PVT1: variants seen among roughly 807,000 people sequenced by gnomAD.
PVT1 encodes the protein CXCR4/PVT1 fusion.
At chr8:127,825,056 G>T (rs373405892) in intron 2 of PVT1, among the ~76,000 whole-genome samples, 1 of 143,850 alleles carries the variant, frequency 7.0e-6, no homozygotes, top group African/African-American at 2.6e-5. Context: ...GGAGGTGGAG[G>T]TTGCAGTGAG....
At chr8:128,049,176 G>C (rs191866221) in intron 4 of PVT1, 1 of 531,414 alleles carries the variant, frequency 1.9e-6, no homozygotes, top group African/African-American at 1.9e-5. Flanking sequence ...GAGGCTGGGA[G>C]GGGCTGGCTG....
At chr8:128,070,425 CTG>C (rs373201005) in intron 5 of PVT1, 26 of 152,348 alleles carry the variant, frequency 1.7e-4, no homozygotes, top group African/African-American at 5.5e-4. Flanking sequence ...TCCAGAATGA[CTG>C]TACCAGTTTA....
chr8:127,820,936 T>C (rs973346755), intron 2 of PVT1, among the ~76,000 whole-genome samples: 1 of 152,156 alleles, frequency 6.6e-6, no homozygotes, highest in Non-Finnish European at 1.5e-5. Flanking sequence ...CTTAAAGTCC[T>C]GGCCTCAAGT....
At chr8:127,959,421 C>G (rs1816610945) in intron 3 of PVT1, among the ~76,000 whole-genome samples, 1 of 152,022 alleles carries the variant, frequency 6.6e-6, no homozygotes, top group African/African-American at 2.4e-5. Flanking sequence ...CCCATCTCTA[C>G]TAAAAATACA....
intron 4 of PVT1, among the ~76,000 whole-genome samples, chr8:128,044,020 T>A (rs796808806): frequency 0.26 from 38,095 of 146,742 alleles, 5,338 homozygotes; most frequent in Middle Eastern, 0.41. Flanking sequence ...TATTTATTTT[T>A]TTTTTTTTTT....
At chr8:127,896,376 G>A (rs1196538663) in intron 3 of PVT1, among the ~76,000 whole-genome samples, 1 of 151,974 alleles carries the variant, frequency 6.6e-6, no homozygotes, top group Non-Finnish European at 1.5e-5. Context: ...AACTTGAGTG[G>A]GCTTTTGGTC....
chr8:127,902,952 A>AG (rs1362064579), intron 3 of PVT1, among the ~76,000 whole-genome samples: 2 of 152,228 alleles, frequency 1.3e-5, no homozygotes, highest in African/African-American at 4.8e-5. Context: ...GTATACACCC[A>AG]GGTATGAGAT....
At chr8:128,045,468 A>T (rs1813599665) in intron 4 of PVT1, among the ~76,000 whole-genome samples, 1 of 152,196 alleles carries the variant, frequency 6.6e-6, no homozygotes. Context: ...TACTGAAGAA[A>T]CTGATGCATA....
intron 2 of PVT1, among the ~76,000 whole-genome samples, chr8:127,872,184 G>A (rs913037762): frequency 1.3e-5 from 2 of 152,190 alleles, no homozygotes; most frequent in South Asian, 2.1e-4. Context: ...AGAGGCCGAG[G>A]CAGGCAGATC....
intron 5 of PVT1, among the ~76,000 whole-genome samples, chr8:128,088,753 G>A (rs953243544): frequency 1.3e-5 from 2 of 152,182 alleles, no homozygotes; most frequent in Non-Finnish European, 2.9e-5. Context: ...TACTCAGCTG[G>A]TATAGACTCA....
chr8:127,829,958 A>T lies in PVT1; in HGVS notation n.372+33887A>T, dbSNP rs149531483. Among the ~76,000 whole-genome samples, 27 of 152,300 alleles carry T rather than the reference A, an allele frequency of 1.8e-4. No homozygotes were observed. In the East Asian group the frequency reaches 4.2e-3, roughly 24 times the overall value. ...CTGGCAATCTCTGGCTTGTGGCTGCAGCAATCTGCCTCCATCTTTACATAG... is the reference window on the plus strand; with the variant it reads ...CTGGCAATCTCTGGCTTGTGGCTGCTGCAATCTGCCTCCATCTTTACATAG... On this transcript the variant is annotated intron_variant and non_coding_transcript_variant, in intron 2 of 10. Transcript: ENST00000651587.
chr8:127,944,405 G>A (rs1816391849), intron 3 of PVT1, among the ~76,000 whole-genome samples: 1 of 152,174 alleles, frequency 6.6e-6, no homozygotes, highest in Non-Finnish European at 1.5e-5. Context: ...GCTAGCCATG[G>A]TGAGACCTTG....
chr8:127,960,471 C>T (rs547387111), intron 3 of PVT1, among the ~76,000 whole-genome samples: 9 of 152,148 alleles, frequency 5.9e-5, no homozygotes, highest in South Asian at 4.2e-4. Flanking sequence ...AAAGGATCAC[C>T]GAGAGAAGTT....
At chr8:127,973,884 G>A (rs1003797203) in intron 3 of PVT1, among the ~76,000 whole-genome samples, 1 of 151,876 alleles carries the variant, frequency 6.6e-6, no homozygotes, top group Non-Finnish European at 1.5e-5. Flanking sequence ...GGAGGCTGAG[G>A]CAGGAGAATG....
chr8:127,982,328 T>C (rs947918129), intron 3 of PVT1, among the ~76,000 whole-genome samples: 1 of 152,180 alleles, frequency 6.6e-6, no homozygotes, highest in Admixed American at 6.5e-5. Context: ...AAATCAGTGA[T>C]GCTGCTGACT....
chr8:127,812,000 G>C (rs925898829), intron 2 of PVT1, among the ~76,000 whole-genome samples: 23 of 152,172 alleles, frequency 1.5e-4, no homozygotes, highest in African/African-American at 5.3e-4. Context: ...CCAGCACTTT[G>C]GGAGGCCGAG....
chr8:127,960,647 G>T (rs1405122915), intron 3 of PVT1: 3 of 524,828 alleles, frequency 5.7e-6, no homozygotes, highest in Admixed American at 4.0e-5. Flanking sequence ...GCCTCTGCAG[G>T]GTTTGCTTTG....
chr8:127,899,117 C>T (rs992624548), intron 3 of PVT1, among the ~76,000 whole-genome samples: 1 of 152,214 alleles, frequency 6.6e-6, no homozygotes, highest in African/African-American at 2.4e-5. Flanking sequence ...CTTCCTGTTG[C>T]GTCTGCAGGG....
At chr8:127,882,899 T>C (rs1266974328) in intron 2 of PVT1, among the ~76,000 whole-genome samples, 1 of 152,192 alleles carries the variant, frequency 6.6e-6, no homozygotes, top group African/African-American at 2.4e-5. Flanking sequence ...TGACCGGGTC[T>C]CAGAGGTGTT....
Sources: allele counts gnomAD v4.1 joint callset (sites outside exome capture counted in the v4.1 genomes callset), GRCh38; gene constraint gnomAD v4.1.1; transcripts MANE v1.5; gene names NCBI Gene and HGNC (gene_info 2026-07-23, HGNC 2026-07-21).